The following MAP4 variants were observed in gnomAD, a reference collection of about 807,000 sequenced individuals.
MAP4 encodes the protein microtubule associated protein 4.
A neutral mutation model predicts 170.2 loss-of-function variants in MAP4; 76 were observed. The ratio of observed to expected loss-of-function variants is 0.45; its 90% CI spans 0.37 to 0.54. The LOEUF (loss-of-function observed/expected upper bound fraction) is 0.54, where lower values mean the gene tolerates loss of function less well. MAP4 is among the 20% of genes least tolerant of loss of function. MAP4 has a pLI of 0.00. For missense variants in MAP4, 2,506 were observed against 2,748.0 expected (o/e 0.91, Z 1.97); for synonymous variants, 909 against 994.5 (o/e 0.91, Z 1.62).
At chr3:47,894,015 C>T (rs911149289) in intron 10 of MAP4, among the ~76,000 whole-genome samples, 6 of 151,988 alleles carry the variant, frequency 3.9e-5, no homozygotes, top group Non-Finnish European at 8.8e-5. Context: ...TTTTCCATTA[C>T]CTTCAGTACC....
intron 16 of MAP4, 71 bp downstream of exon 16, chr3:47,869,143 G>A: frequency 8.8e-7 from 1 of 1,132,876 alleles, no homozygotes; most frequent in Non-Finnish European, 1.3e-6. Context: ...GCAAGAGAGG[G>A]CATGTGGCTC....
chr3:48,026,821 T>C (rs2100113356), intron 1 of MAP4, among the ~76,000 whole-genome samples: 1 of 152,156 alleles, frequency 6.6e-6, no homozygotes, highest in Non-Finnish European at 1.5e-5. Flanking sequence ...CTAAAAATAA[T>C]GAAATAAAGT....
chr3:47,901,015 C>A (rs560708706), intron 10 of MAP4, among the ~76,000 whole-genome samples: 1 of 152,310 alleles, frequency 6.6e-6, no homozygotes, highest in African/African-American at 2.4e-5. Context: ...TTTCCCCAAA[C>A]TTGACTTTAT....
At chr3:47,853,049 A>G (rs201677916) in intron 20 of MAP4, 111 bp from the exon 21 acceptor site, 22 of 1,614,202 alleles carry the variant, frequency 1.4e-5, no homozygotes, top group Admixed American at 3.3e-5. Context: ...CCTGGAAAAT[A>G]AAAGGTTACT....
At chr3:47,992,329 C>T (rs2100092821) in intron 2 of MAP4, among the ~76,000 whole-genome samples, 1 of 152,190 alleles carries the variant, frequency 6.6e-6, no homozygotes, top group African/African-American at 2.4e-5. Context: ...TCCAAACAGC[C>T]ATCACCCCTT....
At chr3:48,062,031 G>A (rs914511585) in intron 1 of MAP4, among the ~76,000 whole-genome samples, 1 of 152,230 alleles carries the variant, frequency 6.6e-6, no homozygotes, top group Non-Finnish European at 1.5e-5. Flanking sequence ...GGGCCATGAT[G>A]AGGATGGCGG....
chr3:47,978,571 C>A (rs569792292), intron 2 of MAP4, among the ~76,000 whole-genome samples: 1 of 152,274 alleles, frequency 6.6e-6, no homozygotes, highest in South Asian at 2.1e-4. Context: ...CCGCCTTGGC[C>A]TCCCAAAGTG....
rs1405052518 is a variant in MAP4 at position 47,872,090 on chromosome 3, T to C, written c.5768A>G (p.Asp1923Gly). ...SKDVKPKPIA[D>G]AKAPEKRASP... ...GGCCCGCTTCTCAGGAGCCTTTGCA[T>C]CTGCAATGGGCTGGAAATAGGAAAG... Residue 1923 changes from aspartate (D) to glycine (G), a missense_variant, in exon 13 of 21, where the codon GAT (aspartate) becomes GGT (glycine). By Grantham distance (94) the Asp-to-Gly change is moderately conservative. Transcript: ENST00000683076. The C allele has an allele frequency of 1.6e-5, 26 of 1,610,974 alleles. No individual in the cohort carries two copies. The highest frequency in any genetic ancestry group is 2.1e-5 in the Non-Finnish European group (25 of 1,178,374).
At chr3:47,969,269 A>T (rs909366780) in intron 3 of MAP4, among the ~76,000 whole-genome samples, 1 of 152,060 alleles carries the variant, frequency 6.6e-6, no homozygotes. Flanking sequence ...TTAGCCAGAC[A>T]TGGTGGTGGG....
intron 17 of MAP4, 38 bp from the exon 18 acceptor site, chr3:47,857,550 G>T: frequency 6.9e-7 from 1 of 1,454,020 alleles, no homozygotes; most frequent in South Asian, 1.1e-5. Flanking sequence ...TCAGAGAGAA[G>T]GTATACTGTC....
intron 17 of MAP4, among the ~76,000 whole-genome samples, chr3:47,857,921 G>A (rs2059306423): frequency 6.6e-6 from 1 of 151,858 alleles, no homozygotes; most frequent in African/African-American, 2.4e-5. Context: ...TGTTGGCCAG[G>A]CTGGTCTCGA....
intron 3 of MAP4, among the ~76,000 whole-genome samples, chr3:47,941,220 C>CAAAAAA (rs745693695): frequency 4.4e-5 from 2 of 45,838 alleles, no homozygotes; most frequent in Non-Finnish European, 8.2e-5. Flanking sequence ...CTATCTCTAC[C>CAAAAAA]AAAAAAAAAA....
chr3:48,005,962 G>A (rs2100102090), intron 1 of MAP4, among the ~76,000 whole-genome samples: 1 of 152,222 alleles, frequency 6.6e-6, no homozygotes, highest in Non-Finnish European at 1.5e-5. Context: ...TACCGTAATG[G>A]ACAGCAGAGG....
intron 1 of MAP4, among the ~76,000 whole-genome samples, chr3:48,075,618 G>A (rs751879310): frequency 1.5e-4 from 23 of 151,964 alleles, no homozygotes; most frequent in Admixed American, 9.9e-4. Flanking sequence ...AATGGAAAAA[G>A]AAGTCTTTTC....
At chr3:47,897,342 G>C (rs1232930590) in intron 10 of MAP4, among the ~76,000 whole-genome samples, 5 of 152,120 alleles carry the variant, frequency 3.3e-5, no homozygotes, top group Admixed American at 3.3e-4. Flanking sequence ...GGCCAGGCTG[G>C]TCTTGAACTT....
At chr3:47,914,795 T>C (rs1170051547) in intron 8 of MAP4, 22 bp downstream of exon 8, 2 of 1,613,954 alleles carry the variant, frequency 1.2e-6, no homozygotes, top group Non-Finnish European at 1.7e-6. Flanking sequence ...TTCAAAGAGT[T>C]CATTTTGTTT....
chr3:47,938,519 G>A (rs2100054387), intron 3 of MAP4, among the ~76,000 whole-genome samples: 3 of 152,104 alleles, frequency 2.0e-5, no homozygotes, highest in Admixed American at 2.0e-4. Flanking sequence ...GGACACAGAT[G>A]TGTGCCACTA....
At position 47,914,868 on chromosome 3, in the gene MAP4, C is replaced by T. The variant is rs1263717043; in HGVS notation, c.1948G>A (p.Glu650Lys). The T allele has an allele frequency of 1.2e-6, 2 of 1,614,130 alleles. No individual in the cohort carries two copies. Among genetic ancestry groups the T allele is most frequent in the Non-Finnish European group, 1.7e-6 (2 of 1,180,010 alleles). ...GGTTGACTGTTGCATGGTTTCCTTT[C>T]CCCTAGTTTTTCTAACACAGAATCC... ...EEDSVLEKLG[E>K]RKPCNSQPSE... The change falls in exon 8 of 21, where the codon GAA (glutamate) becomes AAA (lysine). Residue 650 changes from glutamate (E) to lysine (K), a missense_variant. By Grantham distance (56) the Glu-to-Lys change is moderately conservative (BLOSUM62 1). This residue lies in a region of MAP4 where 2,008 missense variants were observed against 2,206.0 expected (regional missense o/e 0.91). Coordinates refer to ENST00000683076, the MANE Select transcript of MAP4 (RefSeq NM_001385682.1).
chr3:48,010,865 C>T (rs1308333656), intron 1 of MAP4, among the ~76,000 whole-genome samples: 1 of 152,188 alleles, frequency 6.6e-6, no homozygotes, highest in African/African-American at 2.4e-5. Context: ...TTCCTGCCCT[C>T]GAACATCGGA....
Sources: allele counts gnomAD v4.1 joint callset (sites outside exome capture counted in the v4.1 genomes callset), GRCh38; gene constraint gnomAD v4.1.1; regional missense constraint gnomAD v4.1.1; transcripts MANE v1.5; gene names NCBI Gene and HGNC (gene_info 2026-07-23, HGNC 2026-07-21).